Variants in FASTK observed in about 807,000 individuals in gnomAD.
The protein encoded by FASTK is fas-activated serine/threonine kinase.
FASTK carries 28 observed loss-of-function variants against 60.0 expected under a neutral mutation model. The observed-to-expected ratio is 0.47, with a 90% CI of 0.35 to 0.64. FASTK has a LOEUF of 0.64. Ranked by LOEUF, FASTK falls within the 30% of genes least tolerant of loss-of-function variation. The pLI is 0.01. For missense variants in FASTK, 595 were observed against 713.8 expected (o/e 0.83, Z 1.90); for synonymous variants, 325 against 307.9 (o/e 1.06, Z -0.58).
Position 151,080,769 on chromosome 7 carries a change from G to A in FASTK, c.-3C>T, listed in dbSNP as rs891042100. ...GGTTCCCCCCGCGGCCTCCTCATCGGCTAGCCACCGAGTCCGCCATCTTCC... is the reference window on the plus strand; with the variant it reads ...GGTTCCCCCCGCGGCCTCCTCATCGACTAGCCACCGAGTCCGCCATCTTCC... On this transcript the variant is annotated 5_prime_UTR_variant, in exon 1 of 10. Coordinates refer to ENST00000297532, the MANE Select transcript of FASTK (RefSeq NM_006712.5). The A allele has an allele frequency of 5.5e-6, 7 of 1,284,000 alleles. No homozygotes were observed. The highest frequency in any genetic ancestry group is 6.9e-6 in the Non-Finnish European group (7 of 1,014,092). 79.5% of individuals were successfully genotyped at this position (1,284,000 alleles called of 1,614,324 possible).
rs750169376 is a variant in FASTK at position 151,077,223 on chromosome 7, G to A, written c.1305C>T (p.Cys435=). Residue 435 remains cysteine, a synonymous_variant, in exon 8 of 10, where the codon TGC becomes TGT. Coordinates refer to ENST00000297532, the MANE Select transcript of FASTK (RefSeq NM_006712.5). The part of the protein sequence containing the change: ...PPGYCTDFLL[C]ASSSGAVLPV... ...GAAGCACAGCACCAGAGCTGCTGGC[G>A]CACAGCAGGAAGTCTGGAGGGGAGC... 20 of 1,612,428 alleles carry A rather than the reference G, an allele frequency of 1.2e-5. No individual in the cohort carries two copies. Among genetic ancestry groups the A allele is most frequent in the African/African-American group, 2.7e-5 (2 of 74,934 alleles).
chr7:151,077,111 G>A lies in FASTK; in HGVS notation c.1417C>T (p.Pro473Ser). The A allele has an allele frequency of 6.2e-7, 1 of 1,609,994 alleles. No homozygotes were observed. Among genetic ancestry groups the A allele is most frequent in the Non-Finnish European group, 8.5e-7 (1 of 1,177,484 alleles). The change falls in exon 8 of 10, where the codon CCT becomes TCT. Residue 473 changes from proline (P) to serine (S), a missense_variant. This residue lies in a region of FASTK where 471 missense variants were observed against 605.9 expected (regional missense o/e 0.78). Transcript: ENST00000297532. The part of the protein sequence containing the change: ...QAASSATTRD[P>S]AQRVVLVLRE... ...CCCTGCCTCCTTTACCTCTGGGCAG[G>A]GTCTCGAGTAGTGGCGCTAGAGGCA... is the stretch of plus-strand genomic sequence containing the variant.
chr7:151,079,768 T>C lies in FASTK; in HGVS notation c.237A>G (p.Ala79=), dbSNP rs1797879382. The C allele has an allele frequency of 1.9e-6, 3 of 1,601,512 alleles. No individual in the cohort carries two copies. The South Asian group carries it at 3.4e-5, about 18-fold the overall frequency. The change falls in exon 2 of 10, where the codon GCA becomes GCG. Residue 79 remains alanine, a synonymous_variant. Transcript: ENST00000297532. ...GDRPVGGGPS[A]GPVQGLQRLL... is the part of the protein sequence containing the mutation. The stretch of plus-strand genomic sequence containing the variant: ...GCCGCTGCAGTCCTTGCACAGGACC[T>C]GCACTGGGGCCTCCTCCAACAGGCC...
At position 151,077,407 on chromosome 7, in the gene FASTK, G is replaced by A. The variant is rs369445147; in HGVS notation, c.1200-6C>T. 67 of 1,611,312 alleles carry A rather than the reference G, an allele frequency of 4.2e-5. No homozygotes were observed. The highest frequency in any genetic ancestry group is 3.3e-4 in the Middle Eastern group (2 of 6,082). On this transcript the variant is annotated splice_polypyrimidine_tract_variant and splice_region_variant and intron_variant, in intron 6 of 9. Coordinates refer to ENST00000297532, the MANE Select transcript of FASTK (RefSeq NM_006712.5). ...CAGCTACTATGTCCTTGTGACTGAG[G>A]AGAAAGGACACCAGTAGCAGGAAGG...
At chr7:151,077,493 G>C (rs901786693) in intron 6 of FASTK, 92 bp from the exon 7 acceptor site, 54 of 1,518,802 alleles carry the variant, frequency 3.6e-5, no homozygotes, top group East Asian at 3.3e-4. Flanking sequence ...AAAGCCCTCT[G>C]CTGCTTCAGG....
At position 151,076,664 on chromosome 7, in the gene FASTK, A is replaced by G; in HGVS notation, c.*61T>C. 2 of 1,112,204 alleles carry G rather than the reference A, an allele frequency of 1.8e-6. No individual in the cohort carries two copies. Among genetic ancestry groups the G allele is most frequent in the Non-Finnish European group, 1.3e-6 (1 of 787,218 alleles). The allele number at this position is 1,112,204 out of a possible 1,614,324, so 68.9% of individuals were successfully genotyped here. ...TTTAATGAGAAATCAAAACACAGGGAACCAAAGTGCAAATCATCCACCCCC... is the reference window on the plus strand; with the variant it reads ...TTTAATGAGAAATCAAAACACAGGGGACCAAAGTGCAAATCATCCACCCCC... On this transcript the variant is annotated 3_prime_UTR_variant, in exon 10 of 10. Transcript: ENST00000297532.
intron 2 of FASTK, 56 bp downstream of exon 2, chr7:151,079,444 C>G: frequency 1.3e-6 from 2 of 1,496,578 alleles, no homozygotes; most frequent in Non-Finnish European, 1.8e-6. Context: ...CTACTGTTCT[C>G]CCTATTCTTC....
At chr7:151,078,378 G>C (rs1797785515) in intron 4 of FASTK, among the ~76,000 whole-genome samples, 184 bp downstream of exon 4, 1 of 152,232 alleles carries the variant, frequency 6.6e-6, no homozygotes, top group African/African-American at 2.4e-5. Context: ...CAGATTTCCA[G>C]GAATGCATGC....
intron 1 of FASTK, 59 bp from the exon 2 acceptor site, chr7:151,079,981 A>G: frequency 7.1e-7 from 1 of 1,409,044 alleles, no homozygotes. Flanking sequence ...AAGACCTGCT[A>G]CCTACTGCTT....
chr7:151,077,861 G>A lies in FASTK; in HGVS notation c.1039+18C>T. ...TCTCCAGCCCTCAGGGGCCCAGCCA[G>A]CCATCCTGGCTGCGTACCACTGATG... On this transcript the variant is annotated intron_variant, in intron 5 of 9. Transcript: ENST00000297532. 1 of 1,606,498 alleles carries A rather than the reference G, an allele frequency of 6.2e-7. No individual in the cohort carries two copies. The highest frequency in any genetic ancestry group is 8.5e-7 in the Non-Finnish European group (1 of 1,174,118).
rs1258813444 is a variant in FASTK, at chr7:151,079,365, A to AT, written c.505+134dup. On this transcript the variant is annotated intron_variant, in intron 2 of 9. Coordinates refer to ENST00000297532, the MANE Select transcript of FASTK (RefSeq NM_006712.5). The stretch of plus-strand genomic sequence containing the variant: ...TCGACTCATGATGTCTGCCGCAGAC[A>AT]TAGGACGGGAGCAGGAGCAAGCGTT... 56 of 853,968 alleles carry AT rather than the reference A, an allele frequency of 6.6e-5. No homozygotes were observed. The South Asian group carries it at 8.8e-4, about 13-fold the overall frequency. 52.9% of individuals were successfully genotyped at this position (853,968 alleles called of 1,614,324 possible). A position where few individuals can be genotyped will look rare whatever the true frequency, so the allele number is the denominator to read the frequency against.
At position 151,078,734 on chromosome 7, in the gene FASTK, G is replaced by A; in HGVS notation, c.686-33C>T. 3 of 1,611,858 alleles carry A rather than the reference G, an allele frequency of 1.9e-6. No individual in the cohort carries two copies. In the South Asian group the frequency reaches 3.3e-5, roughly 18 times the overall value. On this transcript the variant is annotated intron_variant, in intron 3 of 9. Coordinates refer to ENST00000297532, the MANE Select transcript of FASTK (RefSeq NM_006712.5). ...GAGCAGCCTGTCACGCTGGGCCTCA[G>A]CCGGACCTCCGGCTGGCTCAATTCC...
In FASTK at chr7:151,080,733, C is replaced by T. The variant is rs779980497; in HGVS notation, c.34G>A (p.Ala12Thr). Reference sequence around the variant, plus strand: ...GTCGCTCCCTCAGTCGGTCTCGGGGCCCGGGGGCCGGGTTCCCCCCGCGGC... The same window carrying T: ...GTCGCTCCCTCAGTCGGTCTCGGGGTCCGGGGGCCGGGTTCCCCCCGCGGC... ...RRPRGEPGPR[A>T]PRPTEGATCA... Residue 12 changes from alanine to threonine, a missense_variant, in exon 1 of 10, where the codon GCC becomes ACC. Transcript: ENST00000297532. 2 of 1,322,304 alleles carry T rather than the reference C, an allele frequency of 1.5e-6. No individual in the cohort carries two copies. The highest frequency in any genetic ancestry group is 1.9e-6 in the Non-Finnish European group (2 of 1,036,694). The allele number at this position is 1,322,304 out of a possible 1,614,324, so 81.9% of individuals were successfully genotyped here.
chr7:151,078,267 C>A (rs550036127), intron 4 of FASTK, among the ~76,000 whole-genome samples, 175 bp from the exon 5 acceptor site: 2 of 152,150 alleles, frequency 1.3e-5, no homozygotes, highest in African/African-American at 4.8e-5. Flanking sequence ...CGTGACTAAT[C>A]ACCAGACAGG....
intron 4 of FASTK, 101 bp downstream of exon 4, chr7:151,078,461 G>A: frequency 1.5e-6 from 2 of 1,340,460 alleles, no homozygotes; most frequent in Non-Finnish European, 2.1e-6. Context: ...GAGAGGGTGT[G>A]TCTGCTTCAG....
At chr7:151,080,375 G>A (rs1563387763) in intron 1 of FASTK, 1 of 897,318 alleles carries the variant, frequency 1.1e-6, no homozygotes, top group East Asian at 3.9e-5. Context: ...GCGGCACAGA[G>A]GGTGGAACGC....
Position 151,076,937 on chromosome 7 carries a change from G to A in FASTK, c.1518C>T (p.Gly506=). Residue 506 remains glycine (G), a synonymous_variant, in exon 9 of 10, where the codon GGC becomes GGT. Coordinates refer to ENST00000297532, the MANE Select transcript of FASTK (RefSeq NM_006712.5). ...GSRALRERHL[G]LMGYQLLPLP... is the part of the protein sequence containing the mutation. Reference sequence around the variant, plus strand: ...CCGGCAGGAGCTGGTAGCCCATCAGGCCTAGGTGCCGCTCCCTCAGGGCCC... The same window carrying A: ...CCGGCAGGAGCTGGTAGCCCATCAGACCTAGGTGCCGCTCCCTCAGGGCCC... 6.2e-7 allele frequency: 1 copy of A among 1,610,820 alleles called. No homozygotes were observed. Among genetic ancestry groups the A allele is most frequent in the South Asian group, 1.1e-5 (1 of 90,822 alleles).
intron 5 of FASTK, 27 bp from the exon 6 acceptor site, chr7:151,077,807 T>C: frequency 1.9e-6 from 3 of 1,593,700 alleles, no homozygotes; most frequent in Middle Eastern, 1.7e-4. Context: ...ACTGGGGCTC[T>C]GGGCTGCAGG....
chr7:151,078,496 G>C (rs770240250), intron 4 of FASTK, 66 bp downstream of exon 4: 36 of 1,563,646 alleles, frequency 2.3e-5, no homozygotes, highest in Non-Finnish European at 3.1e-5. Context: ...AGCTGCACGA[G>C]GCGCTGGGCC....
Sources: gnomAD v4.1 joint callset for allele counts (sites outside exome capture counted in the v4.1 genomes callset) on GRCh38, gnomAD v4.1.1 for gene constraint, gnomAD v4.1.1 regional missense constraint, MANE v1.5 for transcripts, NCBI Gene and HGNC (gene_info 2026-07-23, HGNC 2026-07-21) for gene names.